The following MAML2 variants were observed in gnomAD, a reference collection of about 807,000 sequenced individuals.
MAML2 encodes mastermind like transcriptional coactivator 2, also known as mastermind-like protein 2.
A neutral mutation model predicts 96.1 loss-of-function variants in MAML2; 22 were observed. That is an observed-to-expected ratio of 0.23 (90% CI 0.16 to 0.33). The LOEUF is 0.33. MAML2 is among the 10% of genes least tolerant of loss of function. The pLI is 1.00. For missense variants in MAML2, 1,367 were observed against 1,392.4 expected, an observed-to-expected ratio of 0.98 and a Z score of 0.29; for synonymous variants, 561 against 521.3, an observed-to-expected ratio of 1.08 and a Z score of -1.04.
At chr11:96,047,311 C>G (rs1213416771) in intron 2 of MAML2, among the ~76,000 whole-genome samples, 1 of 152,136 alleles carries the variant, frequency 6.6e-6, no homozygotes, top group Non-Finnish European at 1.5e-5. Context: ...ACTAACTCAC[C>G]TCCCAACCCA....
chr11:96,092,786 C>G lies in MAML2; in HGVS notation c.1245G>C (p.Gln415His), dbSNP rs1206731080. Residue 415 changes from glutamine (Q) to histidine (H), a missense_variant, in exon 2 of 5, where the codon CAG becomes CAC. Coordinates refer to ENST00000524717, the MANE Select transcript of MAML2 (RefSeq NM_032427.4). This position sits in a 1 kb window ranked among gnomAD's most constrained non-coding sequence, Gnocchi z 4.1. ...AGGCCCGGCTTGCTCCGGAGCCTGT[C>G]TGAGGCTGAGCCTGGCTCTGAGGGA... is the stretch of plus-strand genomic sequence containing the variant. Reference protein sequence around the residue: ...PSVPQSQAQPQTGSGASRALP... With the variant: ...PSVPQSQAQPHTGSGASRALP... The G allele has an allele frequency of 6.2e-7, 1 of 1,612,426 alleles. No homozygotes were observed. The highest frequency in any genetic ancestry group is 8.5e-7 in the Non-Finnish European group (1 of 1,178,954).
At chr11:96,261,199 G>T (rs2135973357) in intron 1 of MAML2, among the ~76,000 whole-genome samples, 1 of 152,048 alleles carries the variant, frequency 6.6e-6, no homozygotes, top group South Asian at 2.1e-4. Context: ...GGGAACTGGA[G>T]ACTTTATAAA....
chr11:96,036,763 C>A (rs1441384947), intron 2 of MAML2, among the ~76,000 whole-genome samples: 1 of 152,124 alleles, frequency 6.6e-6, no homozygotes, highest in Non-Finnish European at 1.5e-5. Flanking sequence ...AAATTGTTAA[C>A]CCCCAATAAT....
intron 1 of MAML2, among the ~76,000 whole-genome samples, chr11:96,296,974 T>C (rs537242797): frequency 1.3e-5 from 2 of 152,188 alleles, no homozygotes; most frequent in Non-Finnish European, 2.9e-5. Context: ...ATCCTTACTG[T>C]GGTGCCCAGC....
At position 96,341,607 on chromosome 11, in the gene MAML2, C is replaced by A; in HGVS notation, c.289G>T (p.Ala97Ser). 5 of 1,551,762 alleles carry A rather than the reference C, an allele frequency of 3.2e-6. No homozygotes were observed. The highest frequency in any genetic ancestry group is 3.5e-6 in the Non-Finnish European group (4 of 1,147,078). Residue 97 changes from alanine to serine, a missense_variant, in exon 1 of 5, where the codon GCC becomes TCC. Transcript: ENST00000524717. The stretch of plus-strand genomic sequence containing the variant: ...GGGGCTGTAGTGGTGGCAGCAGTGG[C>A]GGTGGCCTTGGTGTGTTTGCCAGCT... ...RKAGKHTKAT[A>S]TAATTTAPPP...
chr11:96,136,902 C>T (rs1201042265), intron 1 of MAML2, among the ~76,000 whole-genome samples: 1 of 152,060 alleles, frequency 6.6e-6, no homozygotes, highest in Non-Finnish European at 1.5e-5. Context: ...TTTACTGTAC[C>T]CTGAACATCT....
chr11:96,149,950 C>G (rs1029502935), intron 1 of MAML2, among the ~76,000 whole-genome samples: 11 of 152,152 alleles, frequency 7.2e-5, no homozygotes, highest in African/African-American at 2.7e-4. Flanking sequence ...ACTGTCACCT[C>G]AATGCATATG....
At chr11:96,105,896 C>T (rs1422246185) in intron 1 of MAML2, among the ~76,000 whole-genome samples, 2 of 151,296 alleles carry the variant, frequency 1.3e-5, no homozygotes, top group Non-Finnish European at 2.9e-5. Context: ...CCAAAACCTA[C>T]ACTCCAGGCA....
chr11:96,140,310 T>G (rs993970994), intron 1 of MAML2, among the ~76,000 whole-genome samples: 14 of 152,378 alleles, frequency 9.2e-5, no homozygotes, highest in African/African-American at 3.4e-4. Flanking sequence ...AGTTATATTT[T>G]TCTTGTTAGT....
intron 1 of MAML2, among the ~76,000 whole-genome samples, chr11:96,277,726 T>G (rs1268836872): frequency 1.5e-5 from 2 of 135,136 alleles, no homozygotes; most frequent in African/African-American, 5.7e-5. Flanking sequence ...CAACAGACAC[T>G]CTGCCTCAAA....
chr11:96,289,684 T>C (rs1591116091), intron 1 of MAML2, among the ~76,000 whole-genome samples: 1 of 152,224 alleles, frequency 6.6e-6, no homozygotes, highest in South Asian at 2.1e-4. Context: ...ATATGTGCAA[T>C]ACAAAGTGTA....
intron 2 of MAML2, among the ~76,000 whole-genome samples, chr11:96,057,824 C>T (rs191024436): frequency 1.9e-4 from 29 of 152,298 alleles, no homozygotes; most frequent in Non-Finnish European, 3.5e-4. Context: ...ACAATTTAAT[C>T]TTTTTCATTT....
intron 1 of MAML2, among the ~76,000 whole-genome samples, chr11:96,223,923 T>A (rs548429000): frequency 9.0e-4 from 137 of 152,356 alleles, no homozygotes; most frequent in African/African-American, 3.1e-3. Flanking sequence ...TATTTGATAT[T>A]ATAATCAGTT....
intron 1 of MAML2, among the ~76,000 whole-genome samples, chr11:96,294,984 T>C (rs74469104): frequency 1.3e-5 from 2 of 152,154 alleles, no homozygotes; most frequent in Admixed American, 1.3e-4. Flanking sequence ...CTTTGGCCAG[T>C]AACATTGACT....
chr11:96,061,875 C>T (rs998450325), intron 2 of MAML2, among the ~76,000 whole-genome samples: 1 of 151,924 alleles, frequency 6.6e-6, no homozygotes, highest in African/African-American at 2.4e-5. Flanking sequence ...TAATACACCT[C>T]ATAGATATAC....
At chr11:96,180,973 G>A (rs904293719) in intron 1 of MAML2, among the ~76,000 whole-genome samples, 33 of 150,262 alleles carry the variant, frequency 2.2e-4, no homozygotes, top group South Asian at 8.5e-4. Flanking sequence ...AGTGGGGGTC[G>A]CAAGGTGCTC....
chr11:96,108,765 G>A (rs565898037), intron 1 of MAML2, among the ~76,000 whole-genome samples: 1 of 152,194 alleles, frequency 6.6e-6, no homozygotes, highest in South Asian at 2.1e-4. Flanking sequence ...GGACACAATG[G>A]CTCGTACCTA....
chr11:95,983,464 G>A (rs961573333), intron 4 of MAML2, among the ~76,000 whole-genome samples: 4 of 152,202 alleles, frequency 2.6e-5, no homozygotes, highest in East Asian at 1.9e-4. Flanking sequence ...CAGCTAGATA[G>A]GAGGAATAAG....
At chr11:96,192,011 A>G (rs1341700215) in intron 1 of MAML2, among the ~76,000 whole-genome samples, 1 of 152,208 alleles carries the variant, frequency 6.6e-6, no homozygotes, top group Non-Finnish European at 1.5e-5. Context: ...ACGCTTTCCA[A>G]CTGGGTAGTA....
Sources: allele counts gnomAD v4.1 joint callset (sites outside exome capture counted in the v4.1 genomes callset), GRCh38; gene constraint gnomAD v4.1.1; non-coding constraint Gnocchi (gnomAD v3.1); transcripts MANE v1.5; gene names NCBI Gene and HGNC (gene_info 2026-07-23, HGNC 2026-07-21).